Variants in RDH13 observed in about 807,000 individuals in gnomAD.
The protein encoded by RDH13 is retinol dehydrogenase 13.
Under a neutral mutation model 28.3 loss-of-function variants are expected in RDH13, and 35 were observed. The ratio of observed to expected loss-of-function variants is 1.24; its 90% CI spans 0.95 to 1.64. The LOEUF (loss-of-function observed/expected upper bound fraction) is 1.64, where lower values mean the gene tolerates loss of function less well. RDH13 is among the 40% of genes most tolerant of loss of function. The probability of loss-of-function intolerance (pLI) is 0.00; values close to 1 mark genes in which losing one functional copy is unlikely to be tolerated. For synonymous variants in RDH13, 229 were observed against 198.5 expected (o/e 1.15, Z -1.29); for missense variants, 514 against 446.3 (o/e 1.15, Z -1.37).
intron 3 of RDH13, among the ~76,000 whole-genome samples, chr19:55,055,544 TA>T (rs2075603177): frequency 1.3e-5 from 2 of 151,950 alleles, no homozygotes; most frequent in Admixed American, 1.3e-4. Context: ...ACTTGATCAA[TA>T]AATGCTTAAT....
In RDH13 at chr19:55,059,280, G is replaced by T; in HGVS notation, c.66-5C>A. The T allele has an allele frequency of 6.3e-7, 1 of 1,580,008 alleles. No individual in the cohort carries two copies. Among genetic ancestry groups the T allele is most frequent in the Non-Finnish European group, 8.6e-7 (1 of 1,160,750 alleles). ...GCCCCACCGGTGACATAGTCCCTGA[G>T]GGTGAGAAGCGGCACGGTCAGTCCT... On this transcript the variant is annotated splice_polypyrimidine_tract_variant and splice_region_variant and intron_variant, in intron 1 of 6. Transcript: ENST00000415061.
chr19:55,057,093 A>G (rs1009376637), intron 2 of RDH13, among the ~76,000 whole-genome samples: 7 of 152,160 alleles, frequency 4.6e-5, no homozygotes, highest in Admixed American at 6.6e-5. Context: ...GTGCTCGGGG[A>G]AAGAAACCAG....
At position 55,063,076 on chromosome 19, in the gene RDH13, G is replaced by A; in HGVS notation, c.-44C>T. 1 of 1,316,244 alleles carries A rather than the reference G, an allele frequency of 7.6e-7. No individual in the cohort carries two copies. The highest frequency in any genetic ancestry group is 1.9e-5 in the South Asian group (1 of 51,488). The allele number at this position is 1,316,244 out of a possible 1,614,324, so 81.5% of individuals were successfully genotyped here. A position where few individuals can be genotyped will look rare whatever the true frequency, so the allele number is the denominator to read the frequency against. ...GTCAGGCGTCAGGGGTCGGCGCGGA[G>A]CTTGCTGCACACCAGCCGCCTGGGT... On this transcript the variant is annotated 5_prime_UTR_variant, in exon 1 of 7. Transcript: ENST00000415061.
chr19:55,049,316 G>A (rs116387501), intron 3 of RDH13, among the ~76,000 whole-genome samples: 497 of 152,086 alleles, frequency 3.3e-3, no homozygotes, highest in African/African-American at 0.011. Context: ...CCCCGGCACC[G>A]CAGGCGTGGT....
At chr19:55,055,594 CTG>C (rs2075605167) in intron 3 of RDH13, among the ~76,000 whole-genome samples, 1 of 151,376 alleles carries the variant, frequency 6.6e-6, no homozygotes, top group Non-Finnish European at 1.5e-5. Context: ...AATCCCAGCA[CTG>C]TGGGAAGCTG....
intron 5 of RDH13, 177 bp downstream of exon 5, chr19:55,048,152 G>A (rs965538472): frequency 1.4e-5 from 22 of 1,534,046 alleles, no homozygotes; most frequent in African/African-American, 2.7e-5. Flanking sequence ...TCAGAAGAAC[G>A]ATCGATTAGT....
In RDH13 at chr19:55,056,540, C is replaced by G. The variant is rs768484636; in HGVS notation, c.340+113G>C. The G allele has an allele frequency of 1.6e-4, 217 of 1,373,558 alleles. 1 individual carries two copies. The highest frequency in any genetic ancestry group is 1.1e-3 in the Middle Eastern group (5 of 4,628). 85.1% of individuals were successfully genotyped at this position (1,373,558 alleles called of 1,614,324 possible). A position where few individuals can be genotyped will look rare whatever the true frequency, so the allele number is the denominator to read the frequency against. On this transcript the variant is annotated intron_variant, in intron 3 of 6. Transcript: ENST00000415061. ...CAGCAACTGGACTTGGCCCCTAACT[C>G]ATAGTTTGCCAAAACTCTGCTCTAA...
upstream of RDH13, among the ~76,000 whole-genome samples, chr19:55,068,053 CTT>C (rs201821107): frequency 7.8e-3 from 1,152 of 147,440 alleles, 22 homozygotes; most frequent in African/African-American, 0.027. Flanking sequence ...CTCTCTCTCT[CTT>C]TCTCCCCCAT....
At chr19:55,049,327 T>G (rs1399004433) in intron 3 of RDH13, among the ~76,000 whole-genome samples, 7 of 152,074 alleles carry the variant, frequency 4.6e-5, no homozygotes, top group Non-Finnish European at 1.0e-4. Flanking sequence ...CAGGCGTGGT[T>G]TCATTCCCAA....
rs1217690164 is a variant in RDH13 at position 55,045,242 on chromosome 19, CACGGCCAGGTATGTGCTGGGCTGG to C, written c.804_827del (p.Gln269_Val276del). 1 of 1,613,420 alleles carries C rather than the reference CACGGCCAGGTATGTGCTGGGCTGG, an allele frequency of 6.2e-7. No homozygotes were observed. Among genetic ancestry groups the C allele is most frequent in the African/African-American group, 1.3e-5 (1 of 75,070 alleles). On this transcript the variant is annotated inframe_deletion, in exon 7 of 7. Coordinates refer to ENST00000415061, the MANE Select transcript of RDH13 (RefSeq NM_001145971.2). ...CGGAAACATCCGCCAGTTCCTCCGC[CACGGCCAGGTATGTGCTGGGCTGG>C]GCGGCCAGCTCGGGGCTCTTGACCA...
Position 55,056,739 on chromosome 19 carries a change from T to C in RDH13, c.254A>G (p.Glu85Gly). The C allele has an allele frequency of 6.2e-7, 1 of 1,613,998 alleles. No individual in the cohort carries two copies. The highest frequency in any genetic ancestry group is 8.5e-7 in the Non-Finnish European group (1 of 1,179,998). Reference sequence around the variant, plus strand: ...GGCGTTGACATGGTGATTGAGGGTCTCCCCGCGGATGTCCTTTGCTGCCGC... The same window carrying C: ...GGCGTTGACATGGTGATTGAGGGTCCCCCCGCGGATGTCCTTTGCTGCCGC... The part of the protein sequence containing the change: ...CEAAAKDIRG[E>G]TLNHHVNARH... Residue 85 changes from glutamate (E) to glycine (G), a missense_variant, in exon 3 of 7, where the codon GAG becomes GGG. Physicochemically the swap from Glu to Gly is moderately conservative, Grantham distance 98 (BLOSUM62 -2). Coordinates refer to ENST00000415061, the MANE Select transcript of RDH13 (RefSeq NM_001145971.2).
In RDH13 at chr19:55,063,061, A is replaced by AGGCGTCAGGCGTCAGGCGTCAGGCGTCC. The variant is rs56128826; in HGVS notation, c.-30_-29insGGACGCCTGACGCCTGACGCCTGACGCC. 4 of 1,307,700 alleles carry AGGCGTCAGGCGTCAGGCGTCAGGCGTCC rather than the reference A, an allele frequency of 3.1e-6. No homozygotes were observed. Among genetic ancestry groups the AGGCGTCAGGCGTCAGGCGTCAGGCGTCC allele is most frequent in the Non-Finnish European group, 3.9e-6 (4 of 1,015,190 alleles). 81.0% of individuals were successfully genotyped at this position (1,307,700 alleles called of 1,614,324 possible). A position where few individuals can be genotyped will look rare whatever the true frequency, so the allele number is the denominator to read the frequency against. On this transcript the variant is annotated 5_prime_UTR_variant, in exon 1 of 7. Transcript: ENST00000415061. ...GGGCCGGGGACAGGCGTCAGGCGTC[A>AGGCGTCAGGCGTCAGGCGTCAGGCGTCC]GGGGTCGGCGCGGAGCTTGCTGCAC... is the stretch of plus-strand genomic sequence containing the variant.
chr19:55,043,360 C>G (rs1372165356), downstream of RDH13: 1 of 152,208 alleles, frequency 6.6e-6, no homozygotes, highest in African/African-American at 2.4e-5. Context: ...GCACTCCAGC[C>G]TTGGCAACAC....
downstream of RDH13, chr19:55,042,906 G>A (rs962033531): frequency 6.6e-6 from 1 of 152,240 alleles, no homozygotes; most frequent in Non-Finnish European, 1.5e-5. Flanking sequence ...GACGAGGGAC[G>A]CTACCATCAC....
At chr19:55,066,101 C>G (rs1051698142), upstream of RDH13, among the ~76,000 whole-genome samples, 2 of 152,210 alleles carry the variant, frequency 1.3e-5, no homozygotes, top group African/African-American at 4.8e-5. Context: ...ACATTGCTGG[C>G]TGTTAATATG....
chr19:55,065,456 G>GA (rs113308889), upstream of RDH13, among the ~76,000 whole-genome samples: 542 of 148,794 alleles, frequency 3.6e-3, 9 homozygotes, highest in African/African-American at 0.013. Context: ...TCTCAACCTT[G>GA]AAAAAAAAAC....
upstream of RDH13, among the ~76,000 whole-genome samples, chr19:55,066,379 G>A (rs886440053): frequency 5.9e-5 from 9 of 151,868 alleles, no homozygotes; most frequent in South Asian, 2.1e-4. Context: ...CTCCTTTCTC[G>A]TTCTTCTCTA....
chr19:55,067,154 G>A (rs2075976968), upstream of RDH13: 1 of 152,432 alleles, frequency 6.6e-6, no homozygotes, highest in African/African-American at 2.4e-5. Context: ...AAGGAAAGAA[G>A]AGAAGAAGGG....
At chr19:55,053,493 A>C (rs1357242340) in intron 3 of RDH13, among the ~76,000 whole-genome samples, 1 of 151,450 alleles carries the variant, frequency 6.6e-6, no homozygotes, top group Non-Finnish European at 1.5e-5. Flanking sequence ...GTCTCTAGTA[A>C]AAAATATAAA....
Sources: allele counts gnomAD v4.1 joint callset (sites outside exome capture counted in the v4.1 genomes callset), GRCh38; gene constraint gnomAD v4.1.1; transcripts MANE v1.5; gene names NCBI Gene and HGNC (gene_info 2026-07-23, HGNC 2026-07-21).